The following RELN variants were observed in gnomAD, a reference collection of about 807,000 sequenced individuals.
RELN encodes reelin.
Under a neutral mutation model 427.6 loss-of-function variants are expected in RELN, and 108 were observed. That is an observed-to-expected ratio of 0.25 (90% CI 0.22 to 0.30). The LOEUF (loss-of-function observed/expected upper bound fraction) is 0.30, where lower values mean the gene tolerates loss of function less well. Ranked by LOEUF, RELN falls within the 10% of genes least tolerant of loss-of-function variation. RELN has a pLI of 1.00. For missense variants in RELN, 3,715 were observed against 4,302.8 expected, an observed-to-expected ratio of 0.86 and a Z score of 3.82; for synonymous variants, 1,524 against 1,513.4, an observed-to-expected ratio of 1.01 and a Z score of -0.16.
chr7:103,919,354 G>C (rs1795562617), intron 1 of RELN, among the ~76,000 whole-genome samples: 1 of 151,900 alleles, frequency 6.6e-6, no homozygotes. Context: ...CTGGAACACT[G>C]GTGGTGAACC....
Position 103,903,536 on chromosome 7 carries a change from T to C in RELN, c.337+13539A>G, listed in dbSNP as rs193254811. 5.3e-3 allele frequency among the ~76,000 whole-genome samples: 813 copies of C among 152,204 alleles called. 4 individuals are homozygous for C. Among genetic ancestry groups the C allele is most frequent in the Non-Finnish European group, 9.8e-3 (666 of 67,986 alleles). On this transcript the variant is annotated intron_variant, in intron 2 of 64. Transcript: ENST00000428762. Reference sequence around the variant, plus strand: ...CAAGACAGAAGAAATATCTCACAAATACATTTTTAACACGAACAGGCAAAA... The same window carrying C: ...CAAGACAGAAGAAATATCTCACAAACACATTTTTAACACGAACAGGCAAAA...
chr7:103,894,188 C>T (rs1563075537), intron 2 of RELN, among the ~76,000 whole-genome samples: 1 of 152,170 alleles, frequency 6.6e-6, no homozygotes, highest in African/African-American at 2.4e-5. Flanking sequence ...AGTTTTACCA[C>T]ATGTTCTACC....
At chr7:103,488,514 C>T (rs35246772) in intron 60 of RELN, among the ~76,000 whole-genome samples, 20,697 of 152,186 alleles carry the variant, frequency 0.14, 1,766 homozygotes, top group East Asian at 0.29. Context: ...TTTCTAACAT[C>T]AGAGATGTGC....
At chr7:103,772,697 A>G (rs893474769) in intron 4 of RELN, among the ~76,000 whole-genome samples, 1 of 152,170 alleles carries the variant, frequency 6.6e-6, no homozygotes, top group Non-Finnish European at 1.5e-5. Context: ...GGCAAAGAAA[A>G]CTTGGAGAGT....
chr7:103,759,008 A>C (rs1411478896), intron 4 of RELN, among the ~76,000 whole-genome samples: 2 of 152,092 alleles, frequency 1.3e-5, no homozygotes, highest in East Asian at 1.9e-4. Context: ...CAGACTACGC[A>C]AAGAGGACAG....
chr7:103,900,479 C>T (rs10230514), intron 2 of RELN, among the ~76,000 whole-genome samples: 11,989 of 152,046 alleles, frequency 0.079, 631 homozygotes, highest in African/African-American at 0.16. Flanking sequence ...AAAAAGAGCC[C>T]GCATAGCCAA....
chr7:103,623,806 A>T (rs1175130594), intron 20 of RELN, among the ~76,000 whole-genome samples: 2 of 152,174 alleles, frequency 1.3e-5, no homozygotes, highest in Admixed American at 6.5e-5. Context: ...GTCCCTACAG[A>T]AGCAGGTTTG....
intron 2 of RELN, among the ~76,000 whole-genome samples, chr7:103,866,524 T>C (rs916076289): frequency 6.6e-6 from 1 of 152,108 alleles, no homozygotes; most frequent in African/African-American, 2.4e-5. Flanking sequence ...CTGACATGAT[T>C]TGGACCCCAG....
intron 2 of RELN, among the ~76,000 whole-genome samples, chr7:103,870,773 G>A (rs2299392): frequency 0.14 from 21,888 of 152,004 alleles, 1,888 homozygotes; most frequent in East Asian, 0.34. Context: ...GGAAAGCACC[G>A]TGTGGTCTCT....
chr7:103,491,895 C>CACACACACACACACA, intron 58 of RELN, 58 bp downstream of exon 58: 1 of 1,022,604 alleles, frequency 9.8e-7, no homozygotes, highest in Non-Finnish European at 1.5e-6. Context: ...CACACACACA[C>CACACACACACACACA]AACGATTTGG....
chr7:103,553,407 A>C (rs1318166452), intron 40 of RELN, 54 bp downstream of exon 40: 5 of 1,339,318 alleles, frequency 3.7e-6, no homozygotes, highest in Non-Finnish European at 5.3e-6. Context: ...CCCCTTTCCT[A>C]GGTTTTGTTC....
At chr7:103,605,687 C>G (rs149134645) in intron 22 of RELN, among the ~76,000 whole-genome samples, 62 of 152,324 alleles carry the variant, frequency 4.1e-4, no homozygotes, top group African/African-American at 1.5e-3. Context: ...TTCCCAAGCA[C>G]ACTATATACA....
chr7:103,655,020 C>T (rs1033439187), intron 12 of RELN, among the ~76,000 whole-genome samples: 1 of 152,050 alleles, frequency 6.6e-6, no homozygotes, highest in Non-Finnish European at 1.5e-5. Context: ...CTATGTTGCA[C>T]AGGCTGGTCT....
chr7:103,947,316 T>C (rs776561481), intron 1 of RELN, among the ~76,000 whole-genome samples: 4 of 152,156 alleles, frequency 2.6e-5, no homozygotes, highest in Non-Finnish European at 5.9e-5. Context: ...TAAGTCCTAA[T>C]CCTCAATACT....
chr7:103,971,516 AT>A (rs1258856487), intron 1 of RELN, among the ~76,000 whole-genome samples: 10 of 152,248 alleles, frequency 6.6e-5, no homozygotes, highest in Non-Finnish European at 1.2e-4. Context: ...AGAAGGAAAA[AT>A]AAAACAATTA....
At chr7:103,602,696 G>A (rs1172662246) in intron 24 of RELN, among the ~76,000 whole-genome samples, 2 of 152,136 alleles carry the variant, frequency 1.3e-5, no homozygotes, top group African/African-American at 4.8e-5. Context: ...TGGGGGACTA[G>A]GAGAGGGATA....
chr7:103,544,198 A>T (rs1406119242), intron 42 of RELN, among the ~76,000 whole-genome samples: 1 of 149,678 alleles, frequency 6.7e-6, no homozygotes, highest in African/African-American at 2.5e-5. Context: ...GTTTACAAAA[A>T]CTGAGCAAAA....
intron 4 of RELN, among the ~76,000 whole-genome samples, chr7:103,757,106 T>C (rs1168264389): frequency 6.6e-6 from 1 of 152,204 alleles, no homozygotes. Flanking sequence ...TTCAACATTA[T>C]TTAGTATACT....
Position 103,672,546 on chromosome 7 carries a change from G to A in RELN, c.1289+9570C>T, listed in dbSNP as rs182807760. Among the ~76,000 whole-genome samples the A allele has an allele frequency of 3.3e-5, 5 of 152,202 alleles. No individual in the cohort carries two copies. The East Asian group carries it at 9.7e-4, about 29-fold the overall frequency. ...TAGGTCAAAAGAAAATCAGAAAAAG[G>A]AGGAAGTAGTACATCTCTTTTAACA... On this transcript the variant is annotated intron_variant, in intron 11 of 64. Coordinates refer to ENST00000428762, the MANE Select transcript of RELN (RefSeq NM_005045.4).
Sources: allele counts gnomAD v4.1 joint callset (sites outside exome capture counted in the v4.1 genomes callset), GRCh38; gene constraint gnomAD v4.1.1; transcripts MANE v1.5; gene names NCBI Gene and HGNC (gene_info 2026-07-23, HGNC 2026-07-21).